Variants in SENP1 observed in about 807,000 individuals in gnomAD.
SENP1 encodes the protein SUMO specific peptidase 1.
A neutral mutation model predicts 93.0 loss-of-function variants in SENP1; 21 were observed. That is an observed-to-expected ratio of 0.23 (90% confidence interval 0.16 to 0.33). The LOEUF is 0.33. Ranked by LOEUF, SENP1 falls within the 10% of genes least tolerant of loss-of-function variation. SENP1 has a pLI of 1.00. For synonymous variants in SENP1, 256 were observed against 259.6 expected (o/e 0.99, Z 0.13); for missense variants, 591 against 758.7 (o/e 0.78, Z 2.60).
chr12:48,074,802 AAAC>A lies in SENP1; in HGVS notation c.553-12_553-10del. 6.4e-7 allele frequency: 1 copy of A among 1,558,270 alleles called. No individual in the cohort carries two copies. The highest frequency in any genetic ancestry group is 1.4e-5 in the African/African-American group (1 of 72,430). On this transcript the variant is annotated splice_polypyrimidine_tract_variant and intron_variant, in intron 6 of 17. Transcript: ENST00000549518. The stretch of plus-strand genomic sequence containing the variant: ...TCTTCTTCTTGAACTGTCTATAAGA[AAAC>A]AAAAAAAAAAAACAGTTTAAACACA...
intron 8 of SENP1, 75 bp downstream of exon 8, chr12:48,074,249 G>A: frequency 8.5e-7 from 1 of 1,175,110 alleles, no homozygotes; most frequent in Non-Finnish European, 1.2e-6. Context: ...ATATTACAAT[G>A]TTGCCTGTAA....
intron 13 of SENP1, among the ~76,000 whole-genome samples, chr12:48,058,368 T>C (rs1054957643): frequency 3.3e-5 from 5 of 152,236 alleles, no homozygotes; most frequent in Non-Finnish European, 5.9e-5. Context: ...AGTTTAAATC[T>C]ACCATCTTGC....
At chr12:48,100,834 G>T (rs1945876818) in intron 2 of SENP1, among the ~76,000 whole-genome samples, 1 of 152,172 alleles carries the variant, frequency 6.6e-6, no homozygotes, top group Non-Finnish European at 1.5e-5. Context: ...AGGTACCCTT[G>T]TAAGATGGTT....
At chr12:48,080,803 C>T (rs933259460) in intron 6 of SENP1, among the ~76,000 whole-genome samples, 4 of 152,186 alleles carry the variant, frequency 2.6e-5, no homozygotes, top group African/African-American at 9.6e-5. Context: ...GGTAGCTTGA[C>T]TTTCATATTA....
chr12:48,049,171 G>T, intron 13 of SENP1, 39 bp from the exon 14 acceptor site: 1 of 1,497,820 alleles, frequency 6.7e-7, no homozygotes, highest in Non-Finnish European at 9.3e-7. Context: ...TAGACACTCA[G>T]GCCTAGCCTT....
chr12:48,083,798 T>C, intron 5 of SENP1, 36 bp from the exon 6 acceptor site: 1 of 1,462,712 alleles, frequency 6.8e-7, no homozygotes, highest in Admixed American at 2.2e-5. Context: ...TAAGAACAGA[T>C]AATAAGTAAA....
At chr12:48,091,877 C>T (rs1945246502) in intron 4 of SENP1, among the ~76,000 whole-genome samples, 1 of 152,222 alleles carries the variant, frequency 6.6e-6, no homozygotes, top group Non-Finnish European at 1.5e-5. Context: ...GACAGGGTCT[C>T]AGTACGTTGC....
At position 48,044,355 on chromosome 12, in the gene SENP1, T is replaced by TGC. The variant is rs1555173109; in HGVS notation, c.*966_*967insGC. On this transcript the variant is annotated 3_prime_UTR_variant, in exon 18 of 18. Coordinates refer to ENST00000549518, the MANE Select transcript of SENP1 (RefSeq NM_001267594.2). ...GCATATCCCTGTGAAATTTTATACA[T>TGC]ACATATATATATATATATATGTATG... is the stretch of plus-strand genomic sequence containing the variant. 2 of 75,700 alleles carry TGC rather than the reference T, an allele frequency of 2.6e-5. No homozygotes were observed. Among genetic ancestry groups the TGC allele is most frequent in the African/African-American group, 1.1e-4 (2 of 17,518 alleles). The allele number at this position is 75,700 out of a possible 1,614,324, so 4.7% of individuals were successfully genotyped here.
chr12:48,088,925 C>A lies in SENP1; in HGVS notation c.256G>T (p.Asp86Tyr), dbSNP rs1186281732. 1.1e-5 allele frequency: 17 copies of A among 1,594,598 alleles called. No individual in the cohort carries two copies. Among genetic ancestry groups the A allele is most frequent in the Non-Finnish European group, 1.5e-5 (17 of 1,170,212 alleles). Residue 86 changes from aspartate (D) to tyrosine (Y), a missense_variant, in exon 5 of 18, where the codon GAT (aspartate) becomes TAT (tyrosine). Physicochemically the swap from Asp to Tyr is radical, Grantham distance 160 (BLOSUM62 -3). Around this residue, in one of 4 missense-constraint regions of SENP1, gnomAD observed 214 missense variants for 243.4 expected, o/e 0.88. Transcript: ENST00000549518. The part of the protein sequence containing the change: ...PSSDSFLGSG[D>Y]LRTFGQSANG... ...GCACTCTGGCCAAAGGTTCTTAAAT[C>A]GCCTGAGCCAAGAAAACTGTCTGAG...
At chr12:48,095,975 A>G (rs953880759) in intron 4 of SENP1, among the ~76,000 whole-genome samples, 1 of 152,270 alleles carries the variant, frequency 6.6e-6, no homozygotes, top group Admixed American at 6.5e-5. Flanking sequence ...GGTTTCAAGC[A>G]GAACAGAAAT....
intron 6 of SENP1, among the ~76,000 whole-genome samples, chr12:48,082,051 G>A (rs922339991): frequency 6.6e-6 from 1 of 151,758 alleles, no homozygotes. Flanking sequence ...CACCACGCCT[G>A]GCTAATTTTT....
intron 5 of SENP1, among the ~76,000 whole-genome samples, chr12:48,086,321 A>T (rs1382929156): frequency 6.6e-6 from 1 of 152,250 alleles, no homozygotes; most frequent in Non-Finnish European, 1.5e-5. Context: ...TAAGAAGTGT[A>T]AAAGTGATAA....
chr12:48,073,257 G>A lies in SENP1; in HGVS notation c.940+1067C>T, dbSNP rs76491324. 5.0e-3 allele frequency among the ~76,000 whole-genome samples: 755 copies of A among 150,552 alleles called. 10 individuals are homozygous for A. Among genetic ancestry groups the A allele is most frequent in the African/African-American group, 0.018 (730 of 40,678 alleles). ...TCTGCAACACAATGTATGTTTCTGA[G>A]GTTAAAGGAGTTTGGGTTTTTTGGC... On this transcript the variant is annotated intron_variant, in intron 8 of 17. Coordinates refer to ENST00000549518, the MANE Select transcript of SENP1 (RefSeq NM_001267594.2).
intron 13 of SENP1, among the ~76,000 whole-genome samples, chr12:48,063,214 A>G (rs1188022813): frequency 6.6e-6 from 1 of 152,160 alleles, no homozygotes; most frequent in Non-Finnish European, 1.5e-5. Context: ...AACTTTTTCA[A>G]TGTCCATTTA....
At chr12:48,078,121 G>A (rs1209236181) in intron 6 of SENP1, among the ~76,000 whole-genome samples, 3 of 151,340 alleles carry the variant, frequency 2.0e-5, no homozygotes, top group South Asian at 2.1e-4. Context: ...TTTTCAGTAT[G>A]TAGGTCTTTT....
At chr12:48,086,043 G>C (rs1944839906) in intron 5 of SENP1, among the ~76,000 whole-genome samples, 1 of 152,038 alleles carries the variant, frequency 6.6e-6, no homozygotes, top group Non-Finnish European at 1.5e-5. Flanking sequence ...AAGCTTAAAG[G>C]GCTTCCACTA....
chr12:48,103,881 G>A (rs949335335), intron 1 of SENP1, among the ~76,000 whole-genome samples: 6 of 152,106 alleles, frequency 3.9e-5, no homozygotes, highest in African/African-American at 1.4e-4. Flanking sequence ...AGGGGATTAT[G>A]AAAGACAATG....
intron 13 of SENP1, among the ~76,000 whole-genome samples, chr12:48,062,281 A>G (rs998609105): frequency 1.3e-5 from 2 of 152,228 alleles, no homozygotes; most frequent in Non-Finnish European, 2.9e-5. Flanking sequence ...CAGATCAAAA[A>G]TAACTTATCA....
intron 13 of SENP1, among the ~76,000 whole-genome samples, chr12:48,051,704 A>G (rs150534604): frequency 0.017 from 2,577 of 152,350 alleles, 41 homozygotes; most frequent in Non-Finnish European, 0.024. Flanking sequence ...ACAGTGTTCA[A>G]GATGAAAGAG....
Sources: allele counts gnomAD v4.1 joint callset (sites outside exome capture counted in the v4.1 genomes callset), GRCh38; gene constraint gnomAD v4.1.1; regional missense constraint gnomAD v4.1.1; transcripts MANE v1.5; gene names NCBI Gene and HGNC (gene_info 2026-07-23, HGNC 2026-07-21).